DNAH14: variants seen among roughly 807,000 people sequenced by gnomAD.
DNAH14 encodes the protein axonemal beta dynein heavy chain 14.
In DNAH14, 478 loss-of-function variants were observed where a neutral mutation model predicts 520.9. The ratio of observed to expected loss-of-function variants is 0.92; its 90% CI spans 0.85 to 0.99. DNAH14 has a LOEUF of 0.99. Among genes scored for constraint, DNAH14 ranks in the 50% least tolerant of loss-of-function variants. DNAH14 has a pLI of 0.00. For synonymous variants in DNAH14, 1,581 were observed against 1,757.2 expected (o/e 0.90, Z 2.51); for missense variants, 4,831 against 5,234.5 (o/e 0.92, Z 2.38).
chr1:225,039,500 A>G (rs2067253953), intron 12 of DNAH14, among the ~76,000 whole-genome samples: 1 of 152,098 alleles, frequency 6.6e-6, no homozygotes. Flanking sequence ...TTTTTAAACA[A>G]CCATATAAAG....
chr1:225,363,858 G>T (rs1308783856), intron 75 of DNAH14, among the ~76,000 whole-genome samples: 1 of 152,100 alleles, frequency 6.6e-6, no homozygotes, highest in Non-Finnish European at 1.5e-5. Flanking sequence ...GTCTGTATAG[G>T]TTCAGTACAG....
Position 225,038,799 on chromosome 1 carries a change from A to C in DNAH14, c.1464A>C (p.Val488=). The C allele has an allele frequency of 6.6e-7, 1 of 1,507,140 alleles. No individual in the cohort carries two copies. Among genetic ancestry groups the C allele is most frequent in the Non-Finnish European group, 8.8e-7 (1 of 1,130,330 alleles). 93.4% of individuals were successfully genotyped at this position (1,507,140 alleles called of 1,614,324 possible). ...CTATTTCTGTTCAAAAGTCAGAAGTAAAAACAGACACTGATATTAATGAGG... is the reference window on the plus strand; with the variant it reads ...CTATTTCTGTTCAAAAGTCAGAAGTCAAAACAGACACTGATATTAATGAGG... The part of the protein sequence containing the change: ...LHAISVQKSE[V]KTDTDINEIL... Residue 488 remains valine (V), a synonymous_variant, in exon 12 of 86, where the codon GTA becomes GTC. Coordinates refer to ENST00000682510, the MANE Select transcript of DNAH14 (RefSeq NM_001367479.1).
intron 1 of DNAH14, among the ~76,000 whole-genome samples, chr1:224,934,113 A>G (rs1201906733): frequency 6.6e-6 from 1 of 152,036 alleles, no homozygotes; most frequent in Non-Finnish European, 1.5e-5. Context: ...ATAAAAACAT[A>G]AAAAACATGA....
At chr1:225,364,331 C>T (rs1328262802) in intron 75 of DNAH14, among the ~76,000 whole-genome samples, 3 of 152,176 alleles carry the variant, frequency 2.0e-5, no homozygotes, top group Admixed American at 1.3e-4. Flanking sequence ...TCTAACTCCA[C>T]AACTTCTTCT....
intron 76 of DNAH14, 40 bp from the exon 77 acceptor site, chr1:225,367,765 T>C: frequency 7.0e-7 from 1 of 1,436,292 alleles, no homozygotes; most frequent in Non-Finnish European, 9.6e-7. Context: ...AGTGCCTGCA[T>C]CTGTCCTCAC....
chr1:224,942,537 CTG>C (rs1558464300), intron 1 of DNAH14, among the ~76,000 whole-genome samples: 1 of 152,046 alleles, frequency 6.6e-6, no homozygotes, highest in Non-Finnish European at 1.5e-5. Flanking sequence ...ACTGCCAACA[CTG>C]TGTTGAATAG....
intron 73 of DNAH14, among the ~76,000 whole-genome samples, chr1:225,355,671 A>T (rs906235371): frequency 2.6e-5 from 4 of 152,186 alleles, no homozygotes; most frequent in African/African-American, 9.6e-5. Context: ...TTTTTAAAAA[A>T]ATATATGTAT....
intron 42 of DNAH14, among the ~76,000 whole-genome samples, chr1:225,239,287 CTG>C (rs2091820328): frequency 6.6e-6 from 1 of 152,106 alleles, no homozygotes; most frequent in Non-Finnish European, 1.5e-5. Flanking sequence ...CCCCACAGCT[CTG>C]TGTGTGGGAC....
intron 8 of DNAH14, among the ~76,000 whole-genome samples, chr1:224,996,564 T>C (rs2063405970): frequency 6.6e-6 from 1 of 152,192 alleles, no homozygotes; most frequent in Non-Finnish European, 1.5e-5. Flanking sequence ...TTTTGGGTTC[T>C]GAAGATTGCT....
At chr1:225,314,711 G>C (rs2094435668) in intron 60 of DNAH14, among the ~76,000 whole-genome samples, 1 of 152,136 alleles carries the variant, frequency 6.6e-6, no homozygotes, top group African/African-American at 2.4e-5. Context: ...AGCTTGGCTG[G>C]ATATGAAATT....
intron 1 of DNAH14, among the ~76,000 whole-genome samples, chr1:224,949,380 A>G (rs2060031102): frequency 6.6e-6 from 1 of 152,138 alleles, no homozygotes; most frequent in African/African-American, 2.4e-5. Context: ...ATGTATATAT[A>G]TGAACATATG....
chr1:225,241,655 A>C (rs1029943034), intron 43 of DNAH14, among the ~76,000 whole-genome samples: 9 of 152,228 alleles, frequency 5.9e-5, no homozygotes, highest in Admixed American at 2.0e-4. Flanking sequence ...TATGTACAGC[A>C]TGTTACTCTA....
chr1:225,106,679 T>G (rs180842371), intron 23 of DNAH14, among the ~76,000 whole-genome samples: 6,344 of 152,180 alleles, frequency 0.042, 215 homozygotes, highest in Non-Finnish European at 0.061. Context: ...AATCGGCTAC[T>G]GAGGCTTGTG....
chr1:224,993,893 G>T (rs996041014), intron 8 of DNAH14, among the ~76,000 whole-genome samples: 4 of 151,814 alleles, frequency 2.6e-5, no homozygotes, highest in African/African-American at 9.7e-5. Context: ...ATTTTTGTTT[G>T]TCTCAAGATA....
intron 27 of DNAH14, among the ~76,000 whole-genome samples, chr1:225,126,232 A>G (rs2077704501): frequency 6.6e-6 from 1 of 152,112 alleles, no homozygotes; most frequent in Admixed American, 6.6e-5. Flanking sequence ...AAAAAATGAC[A>G]CTGATAGACT....
Position 225,012,021 on chromosome 1 carries a change from A to G in DNAH14, c.1107+4477A>G, listed in dbSNP as rs1386551445. Among the ~76,000 whole-genome samples the G allele has an allele frequency of 5.3e-5, 8 of 152,066 alleles. 1 individual carries two copies. Among genetic ancestry groups the G allele is most frequent in the Admixed American group, 5.2e-4 (8 of 15,274 alleles). On this transcript the variant is annotated intron_variant, in intron 10 of 85. Transcript: ENST00000682510. ...ATGCTAGCTGGTTATTTTGCCCATT[A>G]GTTGATGCAGTTTCTTCATAGTATC...
chr1:225,140,872 G>C lies in DNAH14; in HGVS notation c.4359G>C (p.Glu1453Asp), dbSNP rs1196646321. ...VHAGLMCHLE[E>D]VADLVVLDTS... Reference sequence around the variant, plus strand: ...CTGGTCTGATGTGTCATCTAGAAGAGGTTGCAGACCTGGTAGTGCTGGATA... The same window carrying C: ...CTGGTCTGATGTGTCATCTAGAAGACGTTGCAGACCTGGTAGTGCTGGATA... Residue 1453 changes from glutamate to aspartate, a missense_variant, in exon 28 of 86, where the codon GAG becomes GAC. Glu to Asp is a conservative substitution (Grantham distance 45, BLOSUM62 2). Transcript: ENST00000682510. 1 of 1,551,286 alleles carries C rather than the reference G, an allele frequency of 6.4e-7. No individual in the cohort carries two copies. The highest frequency in any genetic ancestry group is 8.7e-7 in the Non-Finnish European group (1 of 1,146,920).
At chr1:225,157,741 G>C (rs2081177004) in intron 34 of DNAH14, among the ~76,000 whole-genome samples, 1 of 151,942 alleles carries the variant, frequency 6.6e-6, no homozygotes, top group South Asian at 2.1e-4. Flanking sequence ...CAAAAATAAA[G>C]TCTGGAACCC....
At chr1:224,941,984 A>C (rs1163773304) in intron 1 of DNAH14, among the ~76,000 whole-genome samples, 1 of 152,140 alleles carries the variant, frequency 6.6e-6, no homozygotes. Context: ...TTGACTTAAC[A>C]ATGCGGGCTC....
Sources: allele counts gnomAD v4.1 joint callset (sites outside exome capture counted in the v4.1 genomes callset), GRCh38; gene constraint gnomAD v4.1.1; transcripts MANE v1.5; gene names NCBI Gene and HGNC (gene_info 2026-07-23, HGNC 2026-07-21).